SLC12A1: variants seen among roughly 807,000 people sequenced by gnomAD.
SLC12A1 encodes Na-K-2Cl cotransporter.
SLC12A1 carries 89 observed loss-of-function variants against 130.4 expected under a neutral mutation model. The ratio of observed to expected loss-of-function variants is 0.68; its 90% CI spans 0.58 to 0.81. The LOEUF is 0.81. Among genes scored for constraint, SLC12A1 ranks in the 40% least tolerant of loss-of-function variants. The probability of loss-of-function intolerance (pLI) is 0.00; values close to 1 mark genes in which losing one functional copy is unlikely to be tolerated. For synonymous variants in SLC12A1, 499 were observed against 460.0 expected (o/e 1.08, Z -1.09); for missense variants, 1,310 against 1,336.4 (o/e 0.98, Z 0.31).
chr15:48,249,443 A>C, intron 13 of SLC12A1, 132 bp from the exon 14 acceptor site: 1 of 717,976 alleles, frequency 1.4e-6, no homozygotes, highest in Admixed American at 2.2e-5. Context: ...AAAATGACTA[A>C]CTTCTTAAAC....
At chr15:48,279,402 A>G (rs1428740680) in intron 20 of SLC12A1, among the ~76,000 whole-genome samples, 1 of 152,220 alleles carries the variant, frequency 6.6e-6, no homozygotes, top group East Asian at 1.9e-4. Flanking sequence ...GAGTGCCCAT[A>G]TACTGTAGTT....
chr15:48,233,519 G>C (rs1188130889), intron 8 of SLC12A1, among the ~76,000 whole-genome samples: 1 of 152,200 alleles, frequency 6.6e-6, no homozygotes, highest in African/African-American at 2.4e-5. Flanking sequence ...GACTGTAGGA[G>C]TTACTCAGTG....
rs1555387787 is a variant in SLC12A1, at chr15:48,301,504, G to GGGGGC, written c.3164+126_3164+127insCGGGG. 7.2e-5 allele frequency: 36 copies of GGGGGC among 502,810 alleles called. 3 individuals carry two copies. Among genetic ancestry groups the GGGGGC allele is most frequent in the African/African-American group, 3.6e-4 (12 of 33,044 alleles). 31.1% of individuals were successfully genotyped at this position (502,810 alleles called of 1,614,324 possible). ...TTGTTTTGTTTTTGTGTTTTTTTTG[G>GGGGGC]GGGGGGGAACACGTGGGATTCTTAG... On this transcript the variant is annotated intron_variant, in intron 26 of 26. Coordinates refer to ENST00000380993, the MANE Select transcript of SLC12A1 (RefSeq NM_000338.3).
chr15:48,259,398 G>T (rs1054922618), intron 17 of SLC12A1, 87 bp downstream of exon 17: 15 of 925,980 alleles, frequency 1.6e-5, no homozygotes, highest in Admixed American at 3.4e-5. Flanking sequence ...TACATGCAGT[G>T]ACAGGAAAAT....
rs780448089 is a variant in SLC12A1, at chr15:48,220,963, C to G, written c.595C>G (p.Arg199Gly). ...LNIWGVMLFI[R>G]LSWIVGEAGI... is the part of the protein sequence containing the mutation. ...CATCTGGGGAGTCATGCTCTTCATT[C>G]GCCTCTCCTGGATTGTTGGAGAAGC... is the stretch of plus-strand genomic sequence containing the variant. The change falls in exon 4 of 27, where the codon CGC becomes GGC. Residue 199 changes from arginine to glycine, a missense_variant. Transcript: ENST00000380993. 3 of 1,613,938 alleles carry G rather than the reference C, an allele frequency of 1.9e-6. No individual in the cohort carries two copies. The highest frequency in any genetic ancestry group is 2.5e-6 in the Non-Finnish European group (3 of 1,179,864).
chr15:48,221,490 G>A, intron 4 of SLC12A1: 1 of 651,786 alleles, frequency 1.5e-6, no homozygotes, highest in Non-Finnish European at 2.8e-6. Context: ...CCAGCAGTAA[G>A]AAAACAAAGG....
At chr15:48,225,123 C>T (rs191718542) in intron 4 of SLC12A1, 7 of 152,312 alleles carry the variant, frequency 4.6e-5, no homozygotes, top group African/African-American at 7.2e-5. Context: ...CCATTTTACA[C>T]ATGCATTCTT....
intron 2 of SLC12A1, among the ~76,000 whole-genome samples, chr15:48,213,828 T>C (rs1425599626): frequency 1.3e-5 from 2 of 152,110 alleles, no homozygotes; most frequent in Non-Finnish European, 1.5e-5. Flanking sequence ...CAGCCTCCTC[T>C]AGAATTTTAT....
At position 48,244,743 on chromosome 15, in the gene SLC12A1, G is replaced by A. The variant is rs753520377; in HGVS notation, c.1301-10G>A. 1.9e-6 allele frequency: 3 copies of A among 1,613,738 alleles called. No individual in the cohort carries two copies. Among genetic ancestry groups the A allele is most frequent in the Middle Eastern group, 1.7e-4 (1 of 6,060 alleles). On this transcript the variant is annotated splice_polypyrimidine_tract_variant and intron_variant, in intron 10 of 26. Transcript: ENST00000380993. ...TATAAAGAAATAACAAGCCACGGTT[G>A]TTTCCACAGGGGCCTGTGTGGTCCG...
At chr15:48,241,650 T>C (rs978038211) in intron 10 of SLC12A1, 51 bp downstream of exon 10, 4 of 1,302,326 alleles carry the variant, frequency 3.1e-6, no homozygotes, top group Non-Finnish European at 4.5e-6. Context: ...AGGGGTCCAG[T>C]TGTTCACGTC....
intron 9 of SLC12A1, among the ~76,000 whole-genome samples, chr15:48,238,700 T>G (rs1020925645): frequency 1.3e-5 from 2 of 152,172 alleles, no homozygotes; most frequent in African/African-American, 4.8e-5. Context: ...CATAATGGAT[T>G]CGGTCAGTTT....
chr15:48,263,424 A>T (rs994810802), intron 17 of SLC12A1, among the ~76,000 whole-genome samples: 2 of 152,262 alleles, frequency 1.3e-5, no homozygotes, highest in Admixed American at 1.3e-4. Flanking sequence ...AGAATTTTTT[A>T]AAAAGATTGA....
chr15:48,266,317 C>G (rs2041831173), intron 17 of SLC12A1, among the ~76,000 whole-genome samples: 1 of 152,144 alleles, frequency 6.6e-6, no homozygotes, highest in Non-Finnish European at 1.5e-5. Flanking sequence ...ATTATTACTA[C>G]TTAAAGCAAC....
chr15:48,238,811 G>A (rs376403767), intron 9 of SLC12A1, among the ~76,000 whole-genome samples: 1 of 152,134 alleles, frequency 6.6e-6, no homozygotes, highest in Non-Finnish European at 1.5e-5. Flanking sequence ...AGACACAAAG[G>A]CATGTTACAA....
chr15:48,269,790 TC>T, intron 19 of SLC12A1, 26 bp downstream of exon 19: 7 of 1,315,116 alleles, frequency 5.3e-6, no homozygotes, highest in Non-Finnish European at 7.7e-6. Context: ...CAAGACGTGT[TC>T]TTGTTTATAA....
chr15:48,214,953 G>T (rs1268833889), intron 2 of SLC12A1, among the ~76,000 whole-genome samples: 1 of 151,320 alleles, frequency 6.6e-6, no homozygotes. Context: ...GTCTCTCGGT[G>T]GTGGTCTAAA....
At chr15:48,229,103 C>G in intron 5 of SLC12A1, 86 bp from the exon 6 acceptor site, 2 of 1,375,710 alleles carry the variant, frequency 1.5e-6, no homozygotes, top group East Asian at 5.0e-5. Flanking sequence ...ATAATTCACA[C>G]TGTAAATGTT....
rs1431280047 is a variant in SLC12A1 at position 48,288,153 on chromosome 15, T to G, written c.2740T>G (p.Trp914Gly). ...KKQEKGTIDV[W>G]WLFDDGGLTL... ...ACAAGAAAAAGGCACAATTGATGTT[T>G]GGTGGTTGTTTGATGATGGAGGTAA... Residue 914 changes from tryptophan (W) to glycine (G), a missense_variant, in exon 22 of 27, where the codon TGG becomes GGG. Transcript: ENST00000380993. 6.2e-7 allele frequency: 1 copy of G among 1,609,826 alleles called. No homozygotes were observed. Among genetic ancestry groups the G allele is most frequent in the Non-Finnish European group, 8.5e-7 (1 of 1,178,062 alleles).
rs753570080 is a variant in SLC12A1, at chr15:48,255,799, C to T, written c.1943-12C>T. The T allele has an allele frequency of 6.4e-7, 1 of 1,560,910 alleles. No individual in the cohort carries two copies. The highest frequency in any genetic ancestry group is 8.8e-7 in the Non-Finnish European group (1 of 1,139,886). On this transcript the variant is annotated splice_polypyrimidine_tract_variant and intron_variant, in intron 15 of 26. Coordinates refer to ENST00000380993, the MANE Select transcript of SLC12A1 (RefSeq NM_000338.3). ...CAGTGTTTTTTATGCCAATTTCCTC[C>T]TTTATCCACAGATGTGAACTGGGGC... is the stretch of plus-strand genomic sequence containing the variant.
Sources: allele counts gnomAD v4.1 joint callset (sites outside exome capture counted in the v4.1 genomes callset), GRCh38; gene constraint gnomAD v4.1.1; transcripts MANE v1.5; gene names NCBI Gene and HGNC (gene_info 2026-07-23, HGNC 2026-07-21).